The following SLC9C1 variants were observed in gnomAD, a reference collection of about 807,000 sequenced individuals.
SLC9C1 encodes the protein sodium/hydrogen exchanger 10.
SLC9C1 carries 97 observed loss-of-function variants against 140.9 expected under a neutral mutation model. The ratio of observed to expected loss-of-function variants is 0.69; its 90% CI spans 0.58 to 0.82. SLC9C1 has a LOEUF of 0.82. Ranked by LOEUF, SLC9C1 falls within the 40% of genes least tolerant of loss-of-function variation. The probability of loss-of-function intolerance (pLI) is 0.00; values close to 1 mark genes in which losing one functional copy is unlikely to be tolerated. For missense variants in SLC9C1, 1,340 were observed against 1,389.3 expected (o/e 0.96, Z 0.56); for synonymous variants, 440 against 442.6 (o/e 0.99, Z 0.07).
intron 23 of SLC9C1, among the ~76,000 whole-genome samples, chr3:112,175,848 C>T (rs1214321305): frequency 1.3e-5 from 2 of 152,220 alleles, no homozygotes; most frequent in Non-Finnish European, 2.9e-5. Context: ...GTGGCCCGCC[C>T]GACCTGCTGG....
chr3:112,156,149 T>C (rs768818072), intron 26 of SLC9C1, among the ~76,000 whole-genome samples: 18 of 152,120 alleles, frequency 1.2e-4, no homozygotes, highest in Non-Finnish European at 2.2e-4. Flanking sequence ...TTCTTCATCA[T>C]CTCCTTTCCC....
chr3:112,191,451 A>G (rs2077659897), intron 20 of SLC9C1, among the ~76,000 whole-genome samples: 1 of 152,108 alleles, frequency 6.6e-6, no homozygotes, highest in Non-Finnish European at 1.5e-5. Context: ...TGGGAAAATC[A>G]TATTATTTTA....
At chr3:112,191,944 C>G (rs1410737118) in intron 20 of SLC9C1, among the ~76,000 whole-genome samples, 1 of 151,898 alleles carries the variant, frequency 6.6e-6, no homozygotes, top group Non-Finnish European at 1.5e-5. Flanking sequence ...TGCTATTGGA[C>G]TCAACTCTAT....
At chr3:112,224,685 A>G (rs1328902537) in intron 13 of SLC9C1, among the ~76,000 whole-genome samples, 1 of 152,038 alleles carries the variant, frequency 6.6e-6, no homozygotes. Flanking sequence ...AAACTAGATC[A>G]AACAGAAAAA....
At chr3:112,192,549 T>C (rs2077685558) in intron 20 of SLC9C1, among the ~76,000 whole-genome samples, 1 of 152,228 alleles carries the variant, frequency 6.6e-6, no homozygotes, top group Non-Finnish European at 1.5e-5. Flanking sequence ...ATTCTTTTTT[T>C]GTTTTTGTTT....
intron 20 of SLC9C1, among the ~76,000 whole-genome samples, chr3:112,183,084 T>C (rs1335532343): frequency 1.3e-5 from 2 of 152,230 alleles, no homozygotes; most frequent in Non-Finnish European, 2.9e-5. Context: ...CAGATGTACA[T>C]ATTTCTATTG....
chr3:112,144,656 C>A (rs1438956000), intron 28 of SLC9C1, among the ~76,000 whole-genome samples: 1 of 152,056 alleles, frequency 6.6e-6, no homozygotes, highest in Non-Finnish European at 1.5e-5. Flanking sequence ...TTATAGAAAT[C>A]TTTTACCTCC....
At chr3:112,254,514 AT>A (rs1553699566) in intron 10 of SLC9C1, among the ~76,000 whole-genome samples, 2 of 97,864 alleles carry the variant, frequency 2.0e-5, no homozygotes, top group African/African-American at 6.4e-5. Context: ...CATGAAATAA[AT>A]TTTTTTTATT....
intron 3 of SLC9C1, 97 bp downstream of exon 3, chr3:112,280,586 G>T: frequency 1.0e-6 from 1 of 964,600 alleles, no homozygotes. Context: ...TGGCAGAACA[G>T]TGAGGGGATG....
At chr3:112,218,445 ATTTTT>A (rs10537019) in intron 14 of SLC9C1, among the ~76,000 whole-genome samples, 114,821 of 143,298 alleles carry the variant, frequency 0.8, 43,782 homozygotes, top group East Asian at 0.99. Flanking sequence ...TTGTATATAT[ATTTTT>A]TTTTTTACTA....
intron 23 of SLC9C1, among the ~76,000 whole-genome samples, chr3:112,177,250 A>C (rs1250702463): frequency 1.3e-5 from 2 of 151,626 alleles, no homozygotes; most frequent in Non-Finnish European, 2.9e-5. Flanking sequence ...CAGGTGATCC[A>C]CCAGCCTCAA....
At chr3:112,282,314 A>G (rs1489332037) in intron 2 of SLC9C1, among the ~76,000 whole-genome samples, 1 of 152,248 alleles carries the variant, frequency 6.6e-6, no homozygotes, top group Non-Finnish European at 1.5e-5. Flanking sequence ...TCAAACTACA[A>G]GTGGACTGGT....
intron 11 of SLC9C1, among the ~76,000 whole-genome samples, chr3:112,241,668 C>T (rs183113722): frequency 6.1e-4 from 93 of 152,154 alleles, no homozygotes; most frequent in Non-Finnish European, 1.1e-3. Flanking sequence ...AGAACGAAGC[C>T]AGAAGCATCA....
chr3:112,235,857 T>A (rs1439444533), intron 12 of SLC9C1, among the ~76,000 whole-genome samples: 1 of 152,250 alleles, frequency 6.6e-6, no homozygotes, highest in African/African-American at 2.4e-5. Context: ...GATGTGCCAC[T>A]GGATTTGGTT....
chr3:112,146,327 A>T (rs1349361875), intron 28 of SLC9C1, among the ~76,000 whole-genome samples: 1 of 150,538 alleles, frequency 6.6e-6, no homozygotes, highest in East Asian at 2.0e-4. Flanking sequence ...TTCTTTTCTG[A>T]TTTTAGTTAT....
At chr3:112,220,700 A>C (rs1217641659) in intron 14 of SLC9C1, among the ~76,000 whole-genome samples, 12 of 152,222 alleles carry the variant, frequency 7.9e-5, no homozygotes. Context: ...CAAGATTACA[A>C]ATGCATGCTG....
chr3:112,206,235 GATGCATGAAA>G (rs548314714), intron 16 of SLC9C1, among the ~76,000 whole-genome samples: 15 of 151,770 alleles, frequency 9.9e-5, no homozygotes, highest in African/African-American at 3.4e-4. Flanking sequence ...GCAGCCAATA[GATGCATGAAA>G]AAATGCTCAT....
chr3:112,272,806 G>A (rs1363123808), intron 6 of SLC9C1, among the ~76,000 whole-genome samples: 1 of 152,064 alleles, frequency 6.6e-6, no homozygotes, highest in African/African-American at 2.4e-5. Flanking sequence ...AGGGGATTTT[G>A]CTTATTGTGC....
chr3:112,274,097 T>C (rs60443450), intron 6 of SLC9C1, among the ~76,000 whole-genome samples: 43,739 of 151,896 alleles, frequency 0.29, 6,438 homozygotes, highest in East Asian at 0.36. Context: ...TTCATAGACA[T>C]CCTGAAAGGA....
Sources: allele counts gnomAD v4.1 joint callset (sites outside exome capture counted in the v4.1 genomes callset), GRCh38; gene constraint gnomAD v4.1.1; transcripts MANE v1.5; gene names NCBI Gene and HGNC (gene_info 2026-07-23, HGNC 2026-07-21).